The following PCDH15 variants were observed in gnomAD, a reference collection of about 807,000 sequenced individuals.
PCDH15 encodes protocadherin-15.
A neutral mutation model predicts 178.5 loss-of-function variants in PCDH15; 129 were observed. That is an observed-to-expected ratio of 0.72 (90% CI 0.63 to 0.84). PCDH15 has a LOEUF of 0.84. Ranked by LOEUF, PCDH15 falls within the 40% of genes least tolerant of loss-of-function variation. The probability of loss-of-function intolerance (pLI) is 0.00; values close to 1 mark genes in which losing one functional copy is unlikely to be tolerated. For missense variants in PCDH15, 2,230 were observed against 2,099.9 expected, an observed-to-expected ratio of 1.06 and a Z score of -1.21; for synonymous variants, 800 against 732.0, an observed-to-expected ratio of 1.09 and a Z score of -1.50.
intron 2 of PCDH15, among the ~76,000 whole-genome samples, chr10:55,585,790 T>C (rs1842716400): frequency 6.6e-6 from 1 of 152,044 alleles, no homozygotes; most frequent in Non-Finnish European, 1.5e-5. Flanking sequence ...TATATATATA[T>C]GAGAGAGAGA....
At chr10:54,519,546 C>A (rs943905265) in intron 3 of PCDH15, among the ~76,000 whole-genome samples, 89 of 152,228 alleles carry the variant, frequency 5.8e-4, no homozygotes, top group Non-Finnish European at 1.1e-3. Context: ...CAAACCACTG[C>A]TCAATGAAAT....
At chr10:55,180,253 T>C (rs1444660) in intron 1 of PCDH15, among the ~76,000 whole-genome samples, 75,141 of 151,836 alleles carry the variant, frequency 0.49, 18,789 homozygotes, top group East Asian at 0.67. Flanking sequence ...ATCTGATAAT[T>C]TGTAAATAAT....
chr10:55,508,376 C>A (rs7096399), intron 2 of PCDH15, among the ~76,000 whole-genome samples: 1 of 151,636 alleles, frequency 6.6e-6, no homozygotes, highest in Non-Finnish European at 1.5e-5. Context: ...CAATTGAAAT[C>A]AGTACAGATT....
At chr10:54,570,780 G>A (rs1002295087) in intron 2 of PCDH15, among the ~76,000 whole-genome samples, 7 of 151,464 alleles carry the variant, frequency 4.6e-5, no homozygotes, top group African/African-American at 1.7e-4. Context: ...AGCCTCCTGA[G>A]TAGCTGGGAT....
intron 13 of PCDH15, among the ~76,000 whole-genome samples, chr10:54,167,866 T>C (rs61858439): frequency 0.72 from 96,823 of 134,706 alleles, 35,939 homozygotes; most frequent in Middle Eastern, 0.8. Flanking sequence ...CTTATTTCTG[T>C]GCCCCATCCC....
intron 8 of PCDH15, among the ~76,000 whole-genome samples, chr10:54,239,554 T>C (rs1166886514): frequency 6.6e-6 from 1 of 151,924 alleles, no homozygotes; most frequent in East Asian, 1.9e-4. Context: ...GTAGATGGGA[T>C]AGAAAATATT....
intron 1 of PCDH15, among the ~76,000 whole-genome samples, chr10:55,300,176 A>C: frequency 6.6e-6 from 1 of 152,116 alleles, no homozygotes; most frequent in East Asian, 1.9e-4. Flanking sequence ...CCTCTGAAAT[A>C]TTTTATTGTT....
chr10:54,363,183 A>C (rs1001480012), intron 5 of PCDH15, among the ~76,000 whole-genome samples: 7 of 152,150 alleles, frequency 4.6e-5, no homozygotes, highest in Admixed American at 4.6e-4. Context: ...TTTAATGCAG[A>C]TTCAATTTTA....
rs1012742255 is a variant in PCDH15, at chr10:55,170,837, G to A, written c.-155-4186C>T. 2.6e-5 allele frequency among the ~76,000 whole-genome samples: 4 copies of A among 151,990 alleles called. No individual in the cohort carries two copies. In the East Asian group the frequency reaches 7.8e-4, roughly 30 times the overall value. ...GCGGAGGTTGCAGTGAGCCAAGATC[G>A]CACCATTGCACTCCAGCCTGGGCGA... On this transcript the variant is annotated intron_variant, in intron 1 of 5. Coordinates refer to the PCDH15 transcript ENST00000458638.
chr10:54,195,957 T>A, intron 10 of PCDH15, 68 bp from the exon 11 acceptor site: 1 of 1,395,548 alleles, frequency 7.2e-7, no homozygotes, highest in South Asian at 1.2e-5. Context: ...AGTTTCACTT[T>A]TCATGCAATA....
chr10:54,527,856 C>T lies in PCDH15; in HGVS notation c.113G>A (p.Gly38Glu). The change falls in exon 3 of 38, where the codon GGA becomes GAA. Residue 38 changes from glycine (G) to glutamate (E), a missense_variant. Gly to Glu is a moderately conservative substitution (Grantham distance 98). Coordinates refer to ENST00000644397, the MANE Select transcript of PCDH15 (RefSeq NM_001384140.1). Reference sequence around the variant, plus strand: ...AATAGCAACTATGGTAGCTGGTGGTCCTCCCCTAGCTAGTTTGCAATCTAA... The same window carrying T: ...AATAGCAACTATGGTAGCTGGTGGTTCTCCCCTAGCTAGTTTGCAATCTAA... ...YDDDCKLARG[G>E]PPATIVAIDE... is the part of the protein sequence containing the mutation. The T allele has an allele frequency of 6.2e-7, 1 of 1,611,918 alleles. No individual in the cohort carries two copies. Among genetic ancestry groups the T allele is most frequent in the African/African-American group, 1.3e-5 (1 of 74,926 alleles).
intron 1 of PCDH15, among the ~76,000 whole-genome samples, chr10:54,730,092 T>C (rs1173174337): frequency 2.0e-5 from 3 of 151,722 alleles, no homozygotes; most frequent in East Asian, 1.9e-4. Flanking sequence ...TGAAGACACA[T>C]GCATGCATAT....
At position 54,345,758 on chromosome 10, in the gene PCDH15, C is replaced by T. The variant is rs148940405; in HGVS notation, c.594+607G>A. ...TTGAGCTTCCAGTGAGCCAAGATCA[C>T]GCCACTGCACTCCAGCCTGGGCAAC... is the stretch of plus-strand genomic sequence containing the variant. On this transcript the variant is annotated intron_variant, in intron 6 of 37. Coordinates refer to ENST00000644397, the MANE Select transcript of PCDH15 (RefSeq NM_001384140.1). Among the ~76,000 whole-genome samples the T allele has an allele frequency of 3.6e-3, 438 of 121,338 alleles. 9 individuals carry two copies. In the South Asian group the frequency reaches 0.057, roughly 16 times the overall value. 79.6% of individuals were successfully genotyped at this position (121,338 alleles called of 152,430 possible).
intron 15 of PCDH15, among the ~76,000 whole-genome samples, chr10:54,127,571 G>A (rs1349264488): frequency 1.3e-5 from 2 of 152,154 alleles, no homozygotes; most frequent in African/African-American, 4.8e-5. Flanking sequence ...CCAATTAAGA[G>A]TCTAGAAATG....
intron 1 of PCDH15, among the ~76,000 whole-genome samples, chr10:54,736,184 A>G (rs1275991115): frequency 1.3e-5 from 2 of 152,014 alleles, no homozygotes; most frequent in African/African-American, 4.8e-5. Context: ...ACCATAGACA[A>G]CAGTATCATC....
chr10:54,884,900 A>G (rs1483509258), intron 3 of PCDH15, among the ~76,000 whole-genome samples: 1 of 152,086 alleles, frequency 6.6e-6, no homozygotes, highest in African/African-American at 2.4e-5. Context: ...ATTAGATATG[A>G]GGCTTAAAAT....
At chr10:55,521,555 A>T (rs143178594) in intron 2 of PCDH15, among the ~76,000 whole-genome samples, 1 of 152,132 alleles carries the variant, frequency 6.6e-6, no homozygotes, top group East Asian at 1.9e-4. Context: ...TGAAAAATTC[A>T]TAAGTAAAAC....
intron 2 of PCDH15, among the ~76,000 whole-genome samples, chr10:55,440,209 T>C (rs998427481): frequency 5.9e-5 from 9 of 152,134 alleles, no homozygotes; most frequent in Admixed American, 2.6e-4. Flanking sequence ...CATCAAATAA[T>C]AAAATGGAAC....
chr10:54,537,072 C>A (rs868761474), intron 2 of PCDH15, among the ~76,000 whole-genome samples: 4 of 145,612 alleles, frequency 2.7e-5, no homozygotes, highest in Admixed American at 1.4e-4. Context: ...GATCTCAGCT[C>A]ACTGCAAGCT....
Sources: allele counts gnomAD v4.1 joint callset (sites outside exome capture counted in the v4.1 genomes callset), GRCh38; gene constraint gnomAD v4.1.1; transcripts MANE v1.5; gene names NCBI Gene and HGNC (gene_info 2026-07-23, HGNC 2026-07-21).